SMURF1: variants seen among roughly 807,000 people sequenced by gnomAD.
SMURF1 encodes SMAD specific E3 ubiquitin protein ligase 1, also known as E3 ubiquitin-protein ligase SMURF1.
A neutral mutation model predicts 98.0 loss-of-function variants in SMURF1; 44 were observed. The observed-to-expected ratio is 0.45, with a 90% confidence interval of 0.35 to 0.58. SMURF1 has a LOEUF of 0.58. Among genes scored for constraint, SMURF1 ranks in the 20% least tolerant of loss-of-function variants. The pLI is 0.00. For synonymous variants in SMURF1, 396 were observed against 374.9 expected, an observed-to-expected ratio of 1.06 and a Z score of -0.65; for missense variants, 687 against 938.4, an observed-to-expected ratio of 0.73 and a Z score of 3.50.
chr7:99,071,910 TA>T (rs558395939), intron 1 of SMURF1, among the ~76,000 whole-genome samples: 1,576 of 142,238 alleles, frequency 0.011, 27 homozygotes, highest in African/African-American at 0.032. Context: ...CACTGTATCT[TA>T]AAAAAAAAAA....
intron 2 of SMURF1, 69 bp from the exon 3 acceptor site, chr7:99,060,776 T>C (rs1796016341): frequency 1.0e-6 from 1 of 1,001,764 alleles, no homozygotes; most frequent in African/African-American, 1.6e-5. Flanking sequence ...GAACACACAA[T>C]TCGTGTTCTC....
chr7:99,043,485 A>C (rs1563001812), intron 11 of SMURF1, among the ~76,000 whole-genome samples: 1 of 152,200 alleles, frequency 6.6e-6, no homozygotes, highest in Non-Finnish European at 1.5e-5. Context: ...CATGTCAGTC[A>C]AGGGAAATTC....
intron 16 of SMURF1, among the ~76,000 whole-genome samples, chr7:99,035,166 C>T (rs930134066): frequency 2.0e-5 from 3 of 152,334 alleles, no homozygotes; most frequent in South Asian, 2.1e-4. Flanking sequence ...AGACTGGGGG[C>T]GGTTCCCCCA....
chr7:99,075,532 C>CT lies in SMURF1; in HGVS notation c.56-13696dup, dbSNP rs150864567. On this transcript the variant is annotated intron_variant, in intron 1 of 17. Coordinates refer to ENST00000361368, the MANE Select transcript of SMURF1 (RefSeq NM_181349.3). ...AGGAGTAGTCTTGTGGGACTGAGCC[C>CT]TTAACCTGTGGGGTCTTTGCTAATT... Among the ~76,000 whole-genome samples the CT allele has an allele frequency of 8.0e-3, 1,218 of 152,156 alleles. 10 individuals carry two copies. The highest frequency in any genetic ancestry group is 0.025 in the African/African-American group (1,053 of 41,532).
At chr7:99,080,595 G>A (rs566936361) in intron 1 of SMURF1, among the ~76,000 whole-genome samples, 3 of 152,228 alleles carry the variant, frequency 2.0e-5, no homozygotes, top group South Asian at 2.1e-4. Context: ...CACCACGCCC[G>A]GCTAAACCTA....
Position 99,044,634 on chromosome 7 carries a change from GATC to G in SMURF1, c.1256+1061_1256+1063del, listed in dbSNP as rs925520348. On this transcript the variant is annotated intron_variant, in intron 11 of 17. Coordinates refer to ENST00000361368, the MANE Select transcript of SMURF1 (RefSeq NM_181349.3). ...TTCTTATGCAAATGAGAGGTCCAGA[GATC>G]ATGTCTCTAGTTGATACATCAAAAA... 2.8e-4 allele frequency among the ~76,000 whole-genome samples: 43 copies of G among 152,156 alleles called. 1 individual carries two copies. Among genetic ancestry groups the G allele is most frequent in the African/African-American group, 8.0e-4 (33 of 41,430 alleles).
At chr7:99,127,432 C>T (rs768587017) in intron 1 of SMURF1, among the ~76,000 whole-genome samples, 11 of 152,080 alleles carry the variant, frequency 7.2e-5, no homozygotes, top group Non-Finnish European at 2.9e-5. Context: ...TGGCTCACGG[C>T]TGTAATCCTA....
chr7:99,101,749 G>A (rs1270397333), intron 1 of SMURF1, among the ~76,000 whole-genome samples: 6 of 152,142 alleles, frequency 3.9e-5, no homozygotes, highest in African/African-American at 1.4e-4. Flanking sequence ...AAACCAGCCT[G>A]GCCACTGTAG....
At chr7:99,100,481 G>A (rs1797052857) in intron 1 of SMURF1, among the ~76,000 whole-genome samples, 1 of 152,144 alleles carries the variant, frequency 6.6e-6, no homozygotes, top group South Asian at 2.1e-4. Flanking sequence ...CTTTAACCTG[G>A]GGACAGAGGT....
chr7:99,090,591 T>C (rs1160477447), intron 1 of SMURF1, among the ~76,000 whole-genome samples: 1 of 152,190 alleles, frequency 6.6e-6, no homozygotes, highest in Non-Finnish European at 1.5e-5. Context: ...CTCTGCCTTC[T>C]GTTCTGAAAT....
chr7:99,102,040 T>G, intron 1 of SMURF1, among the ~76,000 whole-genome samples: 1 of 152,168 alleles, frequency 6.6e-6, no homozygotes. Flanking sequence ...GATATTATGA[T>G]GCACATTTGA....
intron 1 of SMURF1, chr7:99,120,529 C>G (rs1220260488): frequency 6.6e-6 from 1 of 151,906 alleles, no homozygotes; most frequent in East Asian, 1.9e-4. Context: ...ATGACAGAAG[C>G]TGCTACTGAT....
intron 8 of SMURF1, chr7:99,050,797 G>A (rs1054572643): frequency 2.7e-6 from 2 of 741,282 alleles, no homozygotes; most frequent in South Asian, 2.2e-5. Context: ...TGAATAAAAA[G>A]GAACTAAATA....
intron 17 of SMURF1, chr7:99,031,345 G>A (rs1269867533): frequency 2.0e-5 from 3 of 152,172 alleles, no homozygotes; most frequent in African/African-American, 7.2e-5. Context: ...ATATTTCCAG[G>A]GGGAAGCTCA....
intron 8 of SMURF1, 40 bp downstream of exon 8, chr7:99,051,317 T>C: frequency 6.5e-7 from 1 of 1,530,034 alleles, no homozygotes; most frequent in South Asian, 1.1e-5. Context: ...AGTCAACTGC[T>C]GGAAAGACAG....
intron 10 of SMURF1, among the ~76,000 whole-genome samples, chr7:99,047,176 G>A (rs982745785): frequency 7.9e-5 from 12 of 152,184 alleles, no homozygotes; most frequent in African/African-American, 2.4e-4. Flanking sequence ...CCTGCTCCTC[G>A]CCAATTTCCA....
At chr7:99,100,672 A>G (rs1039132156) in intron 1 of SMURF1, among the ~76,000 whole-genome samples, 1 of 152,248 alleles carries the variant, frequency 6.6e-6, no homozygotes, top group South Asian at 2.1e-4. Flanking sequence ...ATTTGAATAA[A>G]TTTTGTATCT....
At chr7:99,053,178 C>A (rs1795803263) in intron 6 of SMURF1, among the ~76,000 whole-genome samples, 1 of 152,132 alleles carries the variant, frequency 6.6e-6, no homozygotes, top group Admixed American at 6.5e-5. Context: ...TCAATCTTCA[C>A]CCCCTGAGCA....
intron 5 of SMURF1, among the ~76,000 whole-genome samples, chr7:99,056,321 A>G (rs977675265): frequency 3.9e-5 from 6 of 152,146 alleles, no homozygotes; most frequent in Admixed American, 1.3e-4. Flanking sequence ...TTCCAAGTCA[A>G]TATCTGAGTT....
Sources: allele counts gnomAD v4.1 joint callset (sites outside exome capture counted in the v4.1 genomes callset), GRCh38; gene constraint gnomAD v4.1.1; transcripts MANE v1.5; gene names NCBI Gene and HGNC (gene_info 2026-07-23, HGNC 2026-07-21).